RANBP2: variants seen among roughly 807,000 people sequenced by gnomAD.
RANBP2 encodes the protein RAN binding protein 2.
A neutral mutation model predicts 303.6 loss-of-function variants in RANBP2; 57 were observed. The observed-to-expected ratio is 0.19, with a 90% CI of 0.15 to 0.23. The LOEUF is 0.23. RANBP2 is among the 10% of genes least tolerant of loss of function. The pLI is 1.00. For missense variants in RANBP2, 3,138 were observed against 3,780.8 expected (o/e 0.83, Z 4.46); for synonymous variants, 1,167 against 1,301.5 (o/e 0.90, Z 2.23).
At chr2:109,280,735 C>T in the RANBP2 span, among the ~76,000 whole-genome samples, 7 of 152,238 alleles carry the variant, frequency 4.6e-5, no homozygotes, top group African/African-American at 1.2e-4. Context: ...AAATGGGGCT[C>T]ACCCGATGAG....
chr2:109,205,111 G>A, the RANBP2 span, among the ~76,000 whole-genome samples: 1 of 152,174 alleles, frequency 6.6e-6, no homozygotes, highest in African/African-American at 2.4e-5. Context: ...GGAGGCCGAG[G>A]TAGGAGGATG....
chr2:109,011,478 T>A, the RANBP2 span, among the ~76,000 whole-genome samples: 456 of 152,310 alleles, frequency 3.0e-3, 4 homozygotes, highest in South Asian at 0.013. Flanking sequence ...CATAAGCTAA[T>A]AGGGTCTTTG....
chr2:108,853,019 C>T, the RANBP2 span, among the ~76,000 whole-genome samples: 1,257 of 152,306 alleles, frequency 8.3e-3, 19 homozygotes, highest in African/African-American at 0.029. Flanking sequence ...TGCTCACAAA[C>T]ATCACCAAAA....
At chr2:108,725,398 A>G (rs967807141) in intron 1 of RANBP2, among the ~76,000 whole-genome samples, 2 of 152,230 alleles carry the variant, frequency 1.3e-5, no homozygotes, top group Non-Finnish European at 2.9e-5. Flanking sequence ...AGTTGGAAGC[A>G]AAGAAGGTAA....
At chr2:109,098,162 G>A in the RANBP2 span, among the ~76,000 whole-genome samples, 1 of 152,148 alleles carries the variant, frequency 6.6e-6, no homozygotes, top group African/African-American at 2.4e-5. Flanking sequence ...CTGCAAAGTA[G>A]GTCCAAATCC....
chr2:108,765,103 A>G lies in RANBP2; in HGVS notation c.4564A>G (p.Lys1522Glu). 1 of 1,614,040 alleles carries G rather than the reference A, an allele frequency of 6.2e-7. No individual in the cohort carries two copies. Among genetic ancestry groups the G allele is most frequent in the Non-Finnish European group, 8.5e-7 (1 of 1,179,970 alleles). Residue 1522 changes from lysine (K) to glutamate (E), a missense_variant, in exon 20 of 29, where the codon AAG (lysine) becomes GAG (glutamate). By Grantham distance (56) the Lys-to-Glu change is moderately conservative (BLOSUM62 1). Coordinates refer to ENST00000283195, the MANE Select transcript of RANBP2 (RefSeq NM_006267.5). ...ATSIPTPASF[K>E]FGTSETSKTL... The stretch of plus-strand genomic sequence containing the variant: ...TTCTATTCCAACACCTGCCTCTTTT[A>G]AGTTTGGTACTTCAGAGACAAGTAA...
chr2:109,688,418 T>C, the RANBP2 span, among the ~76,000 whole-genome samples: 1 of 152,144 alleles, frequency 6.6e-6, no homozygotes, highest in Non-Finnish European at 1.5e-5. Context: ...TGCAGTCCCC[T>C]GACATGGGCA....
At chr2:108,780,813 G>T (rs1256662501) in intron 25 of RANBP2, among the ~76,000 whole-genome samples, 3 of 151,808 alleles carry the variant, frequency 2.0e-5, no homozygotes, top group East Asian at 1.9e-4. Context: ...GGGTTCAAGC[G>T]ATTCTCCTGC....
At chr2:108,837,416 T>C in the RANBP2 span, among the ~76,000 whole-genome samples, 3 of 152,226 alleles carry the variant, frequency 2.0e-5, no homozygotes, top group African/African-American at 7.2e-5. Context: ...CCTTTTAATA[T>C]ACCGCCATGC....
chr2:109,268,346 A>C, the RANBP2 span, among the ~76,000 whole-genome samples: 63 of 149,514 alleles, frequency 4.2e-4, 1 homozygote, highest in South Asian at 2.2e-3. Context: ...CTGGACACAG[A>C]GTCCAAGGAC....
chr2:108,811,247 C>CTTTTTT, the RANBP2 span, among the ~76,000 whole-genome samples: 14 of 113,830 alleles, frequency 1.2e-4, no homozygotes, highest in African/African-American at 2.3e-4. Context: ...TTCTCTCTCT[C>CTTTTTT]TTTTTTTTTT....
the RANBP2 span, among the ~76,000 whole-genome samples, chr2:109,610,801 C>T: frequency 6.6e-6 from 1 of 152,072 alleles, no homozygotes; most frequent in Non-Finnish European, 1.5e-5. Flanking sequence ...CTCCCTAAAT[C>T]GATATAAACA....
chr2:109,140,180 C>T, the RANBP2 span, among the ~76,000 whole-genome samples: 1 of 152,172 alleles, frequency 6.6e-6, no homozygotes, highest in African/African-American at 2.4e-5. Flanking sequence ...CATTGATGCA[C>T]ATGGTTGGTG....
the RANBP2 span, among the ~76,000 whole-genome samples, chr2:109,480,437 AAAAG>A: frequency 9.8e-5 from 15 of 152,324 alleles, no homozygotes; most frequent in East Asian, 2.9e-3. Context: ...GAGGCTGAGA[AAAAG>A]AGAGTAATAA....
chr2:109,579,607 TC>T, the RANBP2 span, among the ~76,000 whole-genome samples: 1 of 151,266 alleles, frequency 6.6e-6, no homozygotes. Context: ...GGTCTCAAAC[TC>T]CTGACCTCAG....
the RANBP2 span, among the ~76,000 whole-genome samples, chr2:108,923,905 C>T: frequency 1.3e-5 from 2 of 152,218 alleles, no homozygotes; most frequent in East Asian, 3.8e-4. Flanking sequence ...ATCAGTGTGC[C>T]TCTGGGACCC....
the RANBP2 span, among the ~76,000 whole-genome samples, chr2:109,292,151 C>T: frequency 6.6e-6 from 1 of 152,238 alleles, no homozygotes; most frequent in African/African-American, 2.4e-5. Flanking sequence ...GCGTGAGCTA[C>T]CGTGCCTGGC....
the RANBP2 span, among the ~76,000 whole-genome samples, chr2:109,742,345 T>C: frequency 8.1e-6 from 1 of 122,716 alleles, no homozygotes; most frequent in Non-Finnish European, 1.7e-5. Context: ...TGCTTGTACC[T>C]GGGAGGCGGA....
the RANBP2 span, among the ~76,000 whole-genome samples, chr2:109,484,937 G>C: frequency 6.6e-6 from 1 of 152,214 alleles, no homozygotes; most frequent in Non-Finnish European, 1.5e-5. Flanking sequence ...GTGTGTACCT[G>C]GTGGAGTTAA....
Sources: gnomAD v4.1 joint callset for allele counts (sites outside exome capture counted in the v4.1 genomes callset) on GRCh38, gnomAD v4.1.1 for gene constraint, MANE v1.5 for transcripts, NCBI Gene and HGNC (gene_info 2026-07-23, HGNC 2026-07-21) for gene names.